The following PTPRD variants were observed in gnomAD, a reference collection of about 807,000 sequenced individuals.
PTPRD encodes receptor-type tyrosine-protein phosphatase delta.
A neutral mutation model predicts 214.5 loss-of-function variants in PTPRD; 34 were observed. The ratio of observed to expected loss-of-function variants is 0.16; its 90% CI spans 0.12 to 0.21. The LOEUF (loss-of-function observed/expected upper bound fraction) is 0.21, where lower values mean the gene tolerates loss of function less well. Ranked by LOEUF, PTPRD falls within the 10% of genes least tolerant of loss-of-function variation. PTPRD has a pLI of 1.00. For missense variants in PTPRD, 2,545 were observed against 2,398.7 expected (o/e 1.06, Z -1.27); for synonymous variants, 1,128 against 845.7 (o/e 1.33, Z -5.79).
intron 10 of PTPRD, among the ~76,000 whole-genome samples, chr9:9,039,615 T>C (rs950237979): frequency 1.3e-5 from 2 of 152,198 alleles, no homozygotes; most frequent in African/African-American, 4.8e-5. Context: ...CTGCCTGGTC[T>C]ATAAAGCCAA....
intron 10 of PTPRD, among the ~76,000 whole-genome samples, chr9:9,083,142 C>G (rs1591309555): frequency 6.6e-6 from 1 of 152,132 alleles, no homozygotes; most frequent in Non-Finnish European, 1.5e-5. Context: ...CATTGCCTGA[C>G]TTCAAACTAC....
At chr9:8,680,499 G>T (rs888928924) in intron 12 of PTPRD, among the ~76,000 whole-genome samples, 1 of 152,098 alleles carries the variant, frequency 6.6e-6, no homozygotes, top group African/African-American at 2.4e-5. Context: ...GAGATTCAAA[G>T]CCTGTATCAT....
intron 3 of PTPRD, among the ~76,000 whole-genome samples, chr9:10,173,165 T>TA: frequency 6.6e-6 from 1 of 152,334 alleles, no homozygotes; most frequent in East Asian, 1.9e-4. Flanking sequence ...TGTGATTAGA[T>TA]ACACTTGTGA....
chr9:9,565,994 T>C (rs1416440337), intron 8 of PTPRD, among the ~76,000 whole-genome samples: 1 of 151,986 alleles, frequency 6.6e-6, no homozygotes, highest in Non-Finnish European at 1.5e-5. Context: ...AAATATGCTA[T>C]GAAGGACACA....
rs751388791 is a variant in PTPRD at position 8,341,824 on chromosome 9, G to T, written c.4816C>A (p.His1606Asn). 1 of 1,613,488 alleles carries T rather than the reference G, an allele frequency of 6.2e-7. No homozygotes were observed. The highest frequency in any genetic ancestry group is 1.1e-5 in the South Asian group (1 of 91,048). Residue 1606 changes from histidine to asparagine, a missense_variant, in exon 40 of 46, where the codon CAT becomes AAT. Transcript: ENST00000381196. ...GTCACTGCTTCTAACAGTGCATCAT[G>T]GATAAAGATGTATTGGTCTTCTGTT... ...VQTEDQYIFI[H>N]DALLEAVTCG...
intron 3 of PTPRD, among the ~76,000 whole-genome samples, chr9:10,177,401 G>C (rs1453455855): frequency 2.7e-5 from 4 of 149,098 alleles, no homozygotes; most frequent in African/African-American, 9.9e-5. Flanking sequence ...TTGTATGCTA[G>C]AATAATGAGT....
At chr9:9,473,449 T>A (rs1325557289) in intron 8 of PTPRD, among the ~76,000 whole-genome samples, 2 of 152,190 alleles carry the variant, frequency 1.3e-5, no homozygotes, top group African/African-American at 4.8e-5. Context: ...TGCAGGTATC[T>A]CTTTGATATA....
At chr9:9,382,919 G>C (rs2062767672) in intron 9 of PTPRD, among the ~76,000 whole-genome samples, 1 of 151,990 alleles carries the variant, frequency 6.6e-6, no homozygotes, top group East Asian at 1.9e-4. Flanking sequence ...CCCACCAATA[G>C]ATAAATGGAT....
At chr9:9,886,864 G>C (rs10125740) in intron 5 of PTPRD, among the ~76,000 whole-genome samples, 1 of 152,046 alleles carries the variant, frequency 6.6e-6, no homozygotes, top group Non-Finnish European at 1.5e-5. Flanking sequence ...ACATGGGAAA[G>C]CCTTTAGACT....
intron 8 of PTPRD, among the ~76,000 whole-genome samples, chr9:9,525,099 C>G (rs2073798686): frequency 6.6e-6 from 1 of 152,190 alleles, no homozygotes; most frequent in African/African-American, 2.4e-5. Flanking sequence ...CCTCATGATC[C>G]ACCCGCCTCA....
At chr9:10,164,805 G>T (rs904013609) in intron 3 of PTPRD, among the ~76,000 whole-genome samples, 2 of 151,034 alleles carry the variant, frequency 1.3e-5, no homozygotes, top group African/African-American at 4.8e-5. Flanking sequence ...ATTCCTGAAG[G>T]TTTAAAGGTT....
chr9:8,601,065 G>C (rs891722340), intron 14 of PTPRD, among the ~76,000 whole-genome samples: 1 of 152,102 alleles, frequency 6.6e-6, no homozygotes, highest in Non-Finnish European at 1.5e-5. Context: ...CAAGCTGACT[G>C]AAGAGCTTTT....
At chr9:9,362,793 T>C (rs2039419) in intron 9 of PTPRD, among the ~76,000 whole-genome samples, 31,332 of 151,248 alleles carry the variant, frequency 0.21, 3,789 homozygotes, top group East Asian at 0.35. Flanking sequence ...GTTAGCAGGC[T>C]TAACCTATTG....
chr9:9,724,368 C>T (rs774136305), intron 7 of PTPRD, among the ~76,000 whole-genome samples: 1 of 152,166 alleles, frequency 6.6e-6, no homozygotes, highest in Admixed American at 6.5e-5. Context: ...CAAAGCTCAA[C>T]TCAATAAACA....
At chr9:9,820,654 T>A (rs1166853045) in intron 5 of PTPRD, among the ~76,000 whole-genome samples, 2 of 152,148 alleles carry the variant, frequency 1.3e-5, no homozygotes, top group African/African-American at 2.4e-5. Context: ...TTGAGTTAAT[T>A]TTACATATGG....
intron 7 of PTPRD, among the ~76,000 whole-genome samples, chr9:9,603,915 A>G (rs531237690): frequency 6.6e-6 from 1 of 152,116 alleles, no homozygotes; most frequent in East Asian, 1.9e-4. Flanking sequence ...ACTGTGTGTC[A>G]CTTTTGGTGT....
intron 6 of PTPRD, among the ~76,000 whole-genome samples, chr9:9,757,541 C>A (rs1274928418): frequency 6.6e-6 from 1 of 151,978 alleles, no homozygotes; most frequent in Non-Finnish European, 1.5e-5. Flanking sequence ...CTTGGAAATT[C>A]AGAGCAATAA....
At chr9:9,683,172 C>T (rs994541046) in intron 7 of PTPRD, among the ~76,000 whole-genome samples, 7 of 151,782 alleles carry the variant, frequency 4.6e-5, no homozygotes, top group African/African-American at 1.7e-4. Context: ...ATAAGTTAGG[C>T]AGTCCCTGAA....
chr9:9,987,757 C>T (rs1471433718), intron 4 of PTPRD, among the ~76,000 whole-genome samples: 1 of 152,168 alleles, frequency 6.6e-6, no homozygotes, highest in East Asian at 1.9e-4. Flanking sequence ...ATTGTTCATA[C>T]TCAGTTTACC....
Sources: allele counts gnomAD v4.1 joint callset (sites outside exome capture counted in the v4.1 genomes callset), GRCh38; gene constraint gnomAD v4.1.1; transcripts MANE v1.5; gene names NCBI Gene and HGNC (gene_info 2026-07-23, HGNC 2026-07-21).